The following RTL4 variants were observed in gnomAD, a reference collection of about 807,000 sequenced individuals.
RTL4 encodes the protein retrotransposon Gag like 4.
Under a neutral mutation model 5.3 loss-of-function variants are expected in RTL4, and 4 were observed. The ratio of observed to expected loss-of-function variants is 0.75; its 90% CI spans 0.37 to 1.72. The LOEUF is 1.72. Ranked by LOEUF, RTL4 falls within the 40% of genes most tolerant of loss-of-function variation. The probability of loss-of-function intolerance (pLI) is 0.04; values close to 1 mark genes in which losing one functional copy is unlikely to be tolerated. For synonymous variants in RTL4, 98 were observed against 87.3 expected, an observed-to-expected ratio of 1.12 and a Z score of -0.68; for missense variants, 260 against 227.1, an observed-to-expected ratio of 1.14 and a Z score of -0.93.
At chrX:112,137,009 T>G in the RTL4 span, among the ~76,000 whole-genome samples, 2 of 111,081 alleles carry the variant, frequency 1.8e-5, no homozygotes, top group South Asian at 7.5e-4. Context: ...AATAGACAAG[T>G]GAAATTATAT....
chrX:112,306,880 A>G, the RTL4 span, among the ~76,000 whole-genome samples: 1 of 111,871 alleles, frequency 8.9e-6, no homozygotes, highest in Non-Finnish European at 1.9e-5. Context: ...GTCTGTTCAC[A>G]TGACTGTCCA....
chrX:112,419,833 A>T, the RTL4 span, among the ~76,000 whole-genome samples: 1 of 108,035 alleles, frequency 9.3e-6, no homozygotes, highest in Admixed American at 1.0e-4. Flanking sequence ...GGGCTACCAT[A>T]TGCCATGAAA....
At chrX:112,454,097 TC>T (rs1926789306), upstream of RTL4, among the ~76,000 whole-genome samples, 1 of 111,929 alleles carries the variant, frequency 8.9e-6, no homozygotes, top group South Asian at 3.7e-4. Flanking sequence ...ATTCTTTGAC[TC>T]TCTGATGGAA....
chrX:112,357,670 G>A, the RTL4 span, among the ~76,000 whole-genome samples: 12 of 111,962 alleles, frequency 1.1e-4, no homozygotes, highest in Non-Finnish European at 1.9e-4. Context: ...TGCATCGATG[G>A]CAACTTTCCT....
chrX:112,143,995 C>T, the RTL4 span, among the ~76,000 whole-genome samples: 1 of 111,185 alleles, frequency 9.0e-6, no homozygotes, highest in Non-Finnish European at 1.9e-5. Flanking sequence ...TTAACATATT[C>T]ATCACCTCAC....
chrX:112,279,431 T>C, the RTL4 span, among the ~76,000 whole-genome samples: 7 of 111,671 alleles, frequency 6.3e-5, no homozygotes. Context: ...TTAAATCTGG[T>C]GAAAAAATAT....
chrX:112,137,787 A>G, the RTL4 span, among the ~76,000 whole-genome samples: 10 of 112,002 alleles, frequency 8.9e-5, no homozygotes, highest in Non-Finnish European at 1.9e-4. Context: ...AATCTTGTAC[A>G]TCATTGGTGG....
chrX:112,086,629 G>A, the RTL4 span, among the ~76,000 whole-genome samples: 5 of 111,825 alleles, frequency 4.5e-5, no homozygotes, highest in East Asian at 2.8e-4. Flanking sequence ...ATAAGTTTCC[G>A]GTGAGCCAGG....
the RTL4 span, among the ~76,000 whole-genome samples, chrX:112,299,862 G>A: frequency 1.8e-5 from 2 of 111,062 alleles, no homozygotes; most frequent in East Asian, 5.7e-4. Context: ...AATATTTAGT[G>A]ATGAGGTTTT....
chrX:112,449,829 C>T (rs960643772), upstream of RTL4, among the ~76,000 whole-genome samples: 6 of 111,987 alleles, frequency 5.4e-5, no homozygotes, highest in East Asian at 8.5e-4. Context: ...TTGGGAAGCC[C>T]GATGCCTTCA....
At chrX:112,192,436 G>A in the RTL4 span, among the ~76,000 whole-genome samples, 32 of 110,781 alleles carry the variant, frequency 2.9e-4, no homozygotes, top group Non-Finnish European at 5.5e-4. Context: ...TATGTCTTAC[G>A]TCATTTTTGT....
chrX:112,113,834 A>G, the RTL4 span, among the ~76,000 whole-genome samples: 1 of 111,868 alleles, frequency 8.9e-6, no homozygotes, highest in East Asian at 2.8e-4. Flanking sequence ...TCCATTTTCT[A>G]TCCTCTCTGA....
chrX:112,353,329 C>T, the RTL4 span, among the ~76,000 whole-genome samples: 12 of 111,515 alleles, frequency 1.1e-4, no homozygotes, highest in South Asian at 3.8e-4. Flanking sequence ...CATCCTATTA[C>T]TGGGCATATA....
the RTL4 span, among the ~76,000 whole-genome samples, chrX:112,421,069 C>T: frequency 9.0e-6 from 1 of 111,083 alleles, no homozygotes; most frequent in Non-Finnish European, 1.9e-5. Context: ...TGTTAAGTGC[C>T]ATACTAGCAT....
At chrX:112,247,642 G>C in the RTL4 span, among the ~76,000 whole-genome samples, 1 of 112,002 alleles carries the variant, frequency 8.9e-6, no homozygotes, top group Non-Finnish European at 1.9e-5. Context: ...TTAAATATTT[G>C]CTCAACATCT....
At chrX:112,367,794 A>G in the RTL4 span, among the ~76,000 whole-genome samples, 1 of 111,923 alleles carries the variant, frequency 8.9e-6, no homozygotes, top group Admixed American at 9.5e-5. Flanking sequence ...GGGTGCTGAG[A>G]GACCACACAG....
the RTL4 span, among the ~76,000 whole-genome samples, chrX:112,233,625 G>T: frequency 6.3e-5 from 7 of 111,505 alleles, no homozygotes; most frequent in African/African-American, 2.0e-4. Flanking sequence ...CGACAATCAT[G>T]ATGACCCATT....
At chrX:112,412,508 C>A in the RTL4 span, among the ~76,000 whole-genome samples, 1 of 111,252 alleles carries the variant, frequency 9.0e-6, no homozygotes, top group African/African-American at 3.3e-5. Context: ...ACAACAGACA[C>A]CTGGACCAAT....
the RTL4 span, among the ~76,000 whole-genome samples, chrX:112,428,437 T>C: frequency 8.9e-6 from 1 of 112,247 alleles, no homozygotes; most frequent in African/African-American, 3.2e-5. Flanking sequence ...AACTGGGTTG[T>C]TTAATCTCCA....
Sources: gnomAD v4.1 joint callset for allele counts (sites outside exome capture counted in the v4.1 genomes callset) on GRCh38, gnomAD v4.1.1 for gene constraint, MANE v1.5 for transcripts, NCBI Gene and HGNC (gene_info 2026-07-23, HGNC 2026-07-21) for gene names.